Variants in ARFIP1 observed in about 807,000 individuals in gnomAD.
The protein encoded by ARFIP1 is arfaptin-1.
A neutral mutation model predicts 42.5 loss-of-function variants in ARFIP1; 24 were observed. The observed-to-expected ratio is 0.57, with a 90% CI of 0.41 to 0.80. ARFIP1 has a LOEUF of 0.80. ARFIP1 is among the 30% of genes least tolerant of loss of function. ARFIP1 has a pLI of 0.00. For missense variants in ARFIP1, 354 were observed against 434.0 expected (o/e 0.82, Z 1.64); for synonymous variants, 141 against 153.7 (o/e 0.92, Z 0.61).
In ARFIP1 at chr4:152,795,572, G is replaced by A. The variant is rs996474726; in HGVS notation, c.-10+15346G>A. Among the ~76,000 whole-genome samples, 8 of 152,246 alleles carry A rather than the reference G, an allele frequency of 5.3e-5. No homozygotes were observed. In the East Asian group the frequency reaches 1.4e-3, roughly 26 times the overall value. ...TTGAAGTGGAATTGCTGGGGCCAAAGTTAAGTGTATATGTCATTTTGTTAC... is the reference window on the plus strand; with the variant it reads ...TTGAAGTGGAATTGCTGGGGCCAAAATTAAGTGTATATGTCATTTTGTTAC... On this transcript the variant is annotated intron_variant, in intron 1 of 8. Coordinates refer to ENST00000353617, the MANE Select transcript of ARFIP1 (RefSeq NM_001025595.3).
At chr4:152,833,920 A>G (rs181167759) in intron 2 of ARFIP1, among the ~76,000 whole-genome samples, 1 of 151,462 alleles carries the variant, frequency 6.6e-6, no homozygotes, top group Admixed American at 6.6e-5. Flanking sequence ...AGGCTAGGTA[A>G]TTTATAAAGA....
chr4:152,864,811 T>C (rs1487313526), intron 3 of ARFIP1, among the ~76,000 whole-genome samples: 1 of 152,206 alleles, frequency 6.6e-6, no homozygotes, highest in Non-Finnish European at 1.5e-5. Flanking sequence ...TTAGACCTGC[T>C]GTGTTAACTC....
rs143348725 is a variant in ARFIP1, at chr4:152,861,720, A to C, written c.94-1886A>C. On this transcript the variant is annotated intron_variant, in intron 2 of 8. Transcript: ENST00000353617. ...TAATAATCCCTTTGCATTTTGGTTC[A>C]TGATTATGGAAATTAACTTCTGAAA... 5.9e-5 allele frequency among the ~76,000 whole-genome samples: 9 copies of C among 152,274 alleles called. No homozygotes were observed. In the East Asian group the frequency reaches 1.7e-3, roughly 29 times the overall value.
At chr4:152,820,588 T>C (rs1730290658) in intron 1 of ARFIP1, among the ~76,000 whole-genome samples, 1 of 152,034 alleles carries the variant, frequency 6.6e-6, no homozygotes, top group African/African-American at 2.4e-5. Context: ...AGCAGGCACA[T>C]CCTATATGGC....
At chr4:152,885,659 A>T (rs1461814085) in intron 7 of ARFIP1, among the ~76,000 whole-genome samples, 3 of 152,018 alleles carry the variant, frequency 2.0e-5, no homozygotes, top group Non-Finnish European at 4.4e-5. Flanking sequence ...AAAATTAAGA[A>T]ATATAAGGTC....
chr4:152,786,620 GCA>G (rs1730824539), intron 1 of ARFIP1, among the ~76,000 whole-genome samples: 1 of 152,196 alleles, frequency 6.6e-6, no homozygotes, highest in African/African-American at 2.4e-5. Flanking sequence ...CATCTTGAAG[GCA>G]CAGTGATTTA....
chr4:152,811,060 A>G (rs1336190328), intron 1 of ARFIP1, among the ~76,000 whole-genome samples: 3 of 149,468 alleles, frequency 2.0e-5, no homozygotes, highest in African/African-American at 7.5e-5. Flanking sequence ...CAACATGGAA[A>G]TCGACAACAG....
intron 1 of ARFIP1, among the ~76,000 whole-genome samples, chr4:152,829,334 T>TC (rs1231450644): frequency 6.6e-6 from 1 of 152,178 alleles, no homozygotes. Context: ...ATTTTTTTTT[T>TC]CCAATTGTAA....
chr4:152,882,576 T>C (rs1457880287), intron 6 of ARFIP1, 147 bp from the exon 7 acceptor site: 28 of 872,956 alleles, frequency 3.2e-5, no homozygotes, highest in Non-Finnish European at 4.5e-5. Flanking sequence ...GTGATTTCGA[T>C]TCTTAAAGAC....
chr4:152,794,072 C>A (rs1259030684), intron 1 of ARFIP1, among the ~76,000 whole-genome samples: 1 of 151,980 alleles, frequency 6.6e-6, no homozygotes, highest in Non-Finnish European at 1.5e-5. Context: ...AGTAGAGTTC[C>A]CTTACATTCC....
rs189897505 is a variant in ARFIP1 at position 152,861,412 on chromosome 4, G to A, written c.94-2194G>A. On this transcript the variant is annotated intron_variant, in intron 2 of 8. Coordinates refer to ENST00000353617, the MANE Select transcript of ARFIP1 (RefSeq NM_001025595.3). ...GTTATCCTTACTGTATTTCTATGAC[G>A]TTGTATAAGTTAGTAAGTTCCTCAT... Among the ~76,000 whole-genome samples the A allele has an allele frequency of 5.9e-5, 9 of 152,224 alleles. No homozygotes were observed. In the East Asian group the frequency reaches 1.5e-3, roughly 26 times the overall value.
intron 1 of ARFIP1, among the ~76,000 whole-genome samples, chr4:152,780,739 G>A (rs1169227455): frequency 1.3e-5 from 2 of 152,180 alleles, no homozygotes; most frequent in Non-Finnish European, 2.9e-5. Context: ...AAGGAATGCT[G>A]GAGTTTTGGA....
At chr4:152,853,967 G>A (rs2149868862) in intron 2 of ARFIP1, among the ~76,000 whole-genome samples, 1 of 130,892 alleles carries the variant, frequency 7.6e-6, no homozygotes, top group South Asian at 2.5e-4. Context: ...CTGGAGTGCA[G>A]TGGGGCACGA....
rs763463468 is a variant in ARFIP1 at position 152,910,128 on chromosome 4, A to G, written c.1031A>G (p.Asn344Ser). 1 of 1,614,094 alleles carries G rather than the reference A, an allele frequency of 6.2e-7. No individual in the cohort carries two copies. The highest frequency in any genetic ancestry group is 1.3e-5 in the African/African-American group (1 of 74,938). ...GCCATTGCCGCTTACTTTGCTGGGA[A>G]TCAGAAGCAGCTTGAACAGACACTT... ...HNAIAAYFAG[N>S]QKQLEQTLKQ... Residue 344 changes from asparagine to serine, a missense_variant, in exon 9 of 9, where the codon AAT becomes AGT. Coordinates refer to ENST00000353617, the MANE Select transcript of ARFIP1 (RefSeq NM_001025595.3).
intron 2 of ARFIP1, among the ~76,000 whole-genome samples, chr4:152,842,827 C>CT (rs1206533904): frequency 4.6e-5 from 7 of 150,828 alleles, no homozygotes; most frequent in East Asian, 1.9e-4. Flanking sequence ...TTTCTTATGT[C>CT]TTTTTTTTTG....
intron 8 of ARFIP1, among the ~76,000 whole-genome samples, chr4:152,892,728 A>T (rs1736966927): frequency 6.6e-6 from 1 of 152,242 alleles, no homozygotes; most frequent in South Asian, 2.1e-4. Flanking sequence ...TTTACCCTTA[A>T]TGAAAAACAT....
chr4:152,894,450 T>C (rs1737141523), intron 8 of ARFIP1, among the ~76,000 whole-genome samples: 1 of 152,146 alleles, frequency 6.6e-6, no homozygotes, highest in South Asian at 2.1e-4. Context: ...TCTTTTCCCA[T>C]TGTCAAAAGA....
intron 1 of ARFIP1, among the ~76,000 whole-genome samples, chr4:152,784,961 G>A (rs959774887): frequency 6.6e-6 from 1 of 152,246 alleles, no homozygotes; most frequent in South Asian, 2.1e-4. Flanking sequence ...CATAAAAGCA[G>A]CAGAGTTAGT....
intron 2 of ARFIP1, among the ~76,000 whole-genome samples, chr4:152,845,874 C>G (rs1260495162): frequency 6.6e-6 from 1 of 152,076 alleles, no homozygotes; most frequent in Non-Finnish European, 1.5e-5. Context: ...ATCATTCTAC[C>G]AAAAAGACAC....
Sources: allele counts gnomAD v4.1 joint callset (sites outside exome capture counted in the v4.1 genomes callset), GRCh38; gene constraint gnomAD v4.1.1; transcripts MANE v1.5; gene names NCBI Gene and HGNC (gene_info 2026-07-23, HGNC 2026-07-21).